ANTXR1: variants seen among roughly 807,000 people sequenced by gnomAD.
ANTXR1 encodes the protein ANTXR cell adhesion molecule 1.
Under a neutral mutation model 78.1 loss-of-function variants are expected in ANTXR1, and 19 were observed. The ratio of observed to expected loss-of-function variants is 0.24; its 90% CI spans 0.17 to 0.36. The LOEUF (loss-of-function observed/expected upper bound fraction) is 0.36, where lower values mean the gene tolerates loss of function less well. Among genes scored for constraint, ANTXR1 ranks in the 10% least tolerant of loss-of-function variants. The pLI is 1.00. For synonymous variants in ANTXR1, 273 were observed against 260.5 expected, an observed-to-expected ratio of 1.05 and a Z score of -0.46; for missense variants, 518 against 718.6, an observed-to-expected ratio of 0.72 and a Z score of 3.19.
chr2:69,203,269 G>A (rs1674818028), intron 17 of ANTXR1, among the ~76,000 whole-genome samples: 1 of 152,178 alleles, frequency 6.6e-6, no homozygotes, highest in South Asian at 2.1e-4. Flanking sequence ...TTCCTAGAGG[G>A]TGTGATTTAT....
At chr2:69,082,713 C>A (rs1388984315) in intron 8 of ANTXR1, among the ~76,000 whole-genome samples, 1 of 151,984 alleles carries the variant, frequency 6.6e-6, no homozygotes, top group Non-Finnish European at 1.5e-5. Flanking sequence ...CCAGCTATCC[C>A]CACTTGGTGT....
At chr2:69,167,419 T>TG (rs1447642288) in intron 13 of ANTXR1, among the ~76,000 whole-genome samples, 1 of 151,790 alleles carries the variant, frequency 6.6e-6, no homozygotes, top group Non-Finnish European at 1.5e-5. Flanking sequence ...CTGAGGGGAG[T>TG]GGGGTGGGCT....
intron 12 of ANTXR1, among the ~76,000 whole-genome samples, chr2:69,141,183 T>C (rs1673058495): frequency 6.6e-6 from 1 of 152,172 alleles, no homozygotes; most frequent in Admixed American, 6.5e-5. Flanking sequence ...TCAACTTCAT[T>C]TACTTTGGCC....
intron 14 of ANTXR1, among the ~76,000 whole-genome samples, chr2:69,177,054 G>A (rs1283323849): frequency 1.3e-5 from 2 of 152,234 alleles, no homozygotes; most frequent in African/African-American, 4.8e-5. Context: ...GAGTGAGGCA[G>A]TCCCAGAATC....
In ANTXR1 at chr2:69,182,535, T is replaced by C; in HGVS notation, c.1228T>C (p.Leu410=). 2 of 1,614,218 alleles carry C rather than the reference T, an allele frequency of 1.2e-6. No homozygotes were observed. The highest frequency in any genetic ancestry group is 8.5e-7 in the Non-Finnish European group (1 of 1,180,044). The change falls in exon 16 of 18, where the codon TTG becomes CTG. Residue 410 remains leucine (L), a synonymous_variant. Coordinates refer to ENST00000303714, the MANE Select transcript of ANTXR1 (RefSeq NM_032208.3). ...GGGCTCCACAGAAGAAGGTGCTAAG[T>C]TGGAAAAGGCAAAGAATGCAAGAGT... ...EKGSTEEGAK[L]EKAKNARVKM...
rs74349376 is a variant in ANTXR1, at chr2:69,234,089, A to T, written c.1435-11136A>T. ...TTAATTTATGAATTACATTATTCTA[A>T]GTTATTGTTTGGAAGAACAATCAGA... On this transcript the variant is annotated intron_variant, in intron 17 of 17. Transcript: ENST00000303714. 3.2e-3 allele frequency among the ~76,000 whole-genome samples: 483 copies of T among 152,350 alleles called. 11 individuals carry two copies. The East Asian group carries it at 0.037, about 12-fold the overall frequency.
At chr2:69,073,400 A>T (rs1670631719) in intron 6 of ANTXR1, among the ~76,000 whole-genome samples, 1 of 152,186 alleles carries the variant, frequency 6.6e-6, no homozygotes, top group Admixed American at 6.5e-5. Flanking sequence ...GTTTTTAAAT[A>T]CTGTATATCA....
intron 13 of ANTXR1, among the ~76,000 whole-genome samples, chr2:69,158,505 T>C (rs1005170729): frequency 6.6e-6 from 1 of 152,224 alleles, no homozygotes; most frequent in Non-Finnish European, 1.5e-5. Context: ...CAAGTATTTA[T>C]GTATATATCT....
chr2:69,034,231 G>A (rs1195764068), intron 1 of ANTXR1, among the ~76,000 whole-genome samples: 5 of 152,202 alleles, frequency 3.3e-5, no homozygotes, highest in African/African-American at 9.7e-5. Flanking sequence ...ACAACCTTCT[G>A]GGTCTAGTAG....
At chr2:69,101,254 T>TA (rs1187365093) in intron 9 of ANTXR1, among the ~76,000 whole-genome samples, 6 of 152,110 alleles carry the variant, frequency 3.9e-5, no homozygotes, top group Non-Finnish European at 7.4e-5. Context: ...AAATAAGCTT[T>TA]AAAAAAAATC....
chr2:69,052,693 G>A (rs1176042783), intron 3 of ANTXR1, among the ~76,000 whole-genome samples: 1 of 151,912 alleles, frequency 6.6e-6, no homozygotes, highest in African/African-American at 2.4e-5. Context: ...TCTCTTTTAT[G>A]CCTTTTGTGA....
intron 12 of ANTXR1, among the ~76,000 whole-genome samples, chr2:69,127,378 C>G (rs527916262): frequency 1.3e-5 from 2 of 151,998 alleles, no homozygotes; most frequent in Admixed American, 1.3e-4. Flanking sequence ...GCCAGCGATC[C>G]TTGGTGTTCA....
intron 12 of ANTXR1, among the ~76,000 whole-genome samples, chr2:69,131,344 T>G (rs11903437): frequency 6.6e-6 from 1 of 152,042 alleles, no homozygotes; most frequent in African/African-American, 2.4e-5. Flanking sequence ...CCTCCTCTCA[T>G]GCAAAGGCCT....
In ANTXR1 at chr2:69,145,485, A is replaced by G. The variant is rs1673197531; in HGVS notation, c.952-6684A>G. 3 of 1,511,204 alleles carry G rather than the reference A, an allele frequency of 2.0e-6. No individual in the cohort carries two copies. In the Admixed American group the frequency reaches 6.3e-5, roughly 32 times the overall value. The allele number at this position is 1,511,204 out of a possible 1,614,324, so 93.6% of individuals were successfully genotyped here. A position where few individuals can be genotyped will look rare whatever the true frequency, so the allele number is the denominator to read the frequency against. ...CTTATTTACTGAATGAGTGGAGGGC[A>G]GAGACAGGCCTGGAGTTACGCACAC... On this transcript the variant is annotated intron_variant, in intron 12 of 17. Transcript: ENST00000303714.
chr2:69,197,571 A>G (rs538211903), intron 17 of ANTXR1, among the ~76,000 whole-genome samples: 18 of 152,216 alleles, frequency 1.2e-4, no homozygotes, highest in Admixed American at 9.2e-4. Context: ...GAGTGAACCT[A>G]GCTTGGTAAT....
At chr2:69,227,086 G>GC (rs1675475002) in intron 17 of ANTXR1, among the ~76,000 whole-genome samples, 1 of 152,168 alleles carries the variant, frequency 6.6e-6, no homozygotes, top group Non-Finnish European at 1.5e-5. Flanking sequence ...GAGTACTGGG[G>GC]CCCAGTGGAA....
intron 17 of ANTXR1, among the ~76,000 whole-genome samples, chr2:69,212,208 A>C (rs1184678272): frequency 6.6e-6 from 1 of 152,230 alleles, no homozygotes; most frequent in East Asian, 1.9e-4. Context: ...AGAAAGAAGT[A>C]GGGGAGGGGA....
chr2:69,245,190 C>A (rs761123969), intron 17 of ANTXR1, 35 bp from the exon 18 acceptor site: 7 of 1,613,614 alleles, frequency 4.3e-6, no homozygotes, highest in Non-Finnish European at 4.2e-6. Context: ...GTGAGGCCGT[C>A]CGCTCACGTT....
chr2:69,183,588 T>G lies in ANTXR1; in HGVS notation c.1353+928T>G, dbSNP rs1381876725. Among the ~76,000 whole-genome samples the G allele has an allele frequency of 9.1e-3, 1,232 of 135,442 alleles. 28 individuals carry two copies. The highest frequency in any genetic ancestry group is 0.037 in the African/African-American group (1,113 of 30,356). 88.9% of individuals were successfully genotyped at this position (135,442 alleles called of 152,430 possible). On this transcript the variant is annotated intron_variant, in intron 16 of 17. Coordinates refer to ENST00000303714, the MANE Select transcript of ANTXR1 (RefSeq NM_032208.3). ...AGCTAATTTTTGTTTTTTTTTTTTT[T>G]TTTTTTTTTTTGAGGGACGGATTTC...
Sources: gnomAD v4.1 joint callset for allele counts (sites outside exome capture counted in the v4.1 genomes callset) on GRCh38, gnomAD v4.1.1 for gene constraint, MANE v1.5 for transcripts, NCBI Gene and HGNC (gene_info 2026-07-23, HGNC 2026-07-21) for gene names.